RBFOX1: variants seen among roughly 807,000 people sequenced by gnomAD.
RBFOX1 encodes RNA binding fox-1 homolog 1, also known as RNA binding protein fox-1 homolog 1.
In RBFOX1, 8 loss-of-function variants were observed where a neutral mutation model predicts 57.7. The observed-to-expected ratio is 0.14, with a 90% CI of 0.08 to 0.25. The LOEUF (loss-of-function observed/expected upper bound fraction) is 0.25, where lower values mean the gene tolerates loss of function less well. Among genes scored for constraint, RBFOX1 ranks in the 10% least tolerant of loss-of-function variants. The probability of loss-of-function intolerance (pLI) is 1.00; values close to 1 mark genes in which losing one functional copy is unlikely to be tolerated. For synonymous variants in RBFOX1, 326 were observed against 222.4 expected (o/e 1.47, Z -4.15); for missense variants, 611 against 548.5 (o/e 1.11, Z -1.14).
chr16:5,530,477 C>G (rs558393476), intron 2 of RBFOX1, among the ~76,000 whole-genome samples: 19 of 152,322 alleles, frequency 1.2e-4, no homozygotes, highest in African/African-American at 4.3e-4. Flanking sequence ...TGCATTTCAC[C>G]TCTACCCTAT....
At chr16:6,805,870 T>C (rs1255305476) in intron 3 of RBFOX1, among the ~76,000 whole-genome samples, 1 of 152,206 alleles carries the variant, frequency 6.6e-6, no homozygotes, top group Non-Finnish European at 1.5e-5. Flanking sequence ...CTTGGCTCTT[T>C]CCAACACGAA....
At chr16:6,926,804 G>A (rs371288363) in intron 3 of RBFOX1, among the ~76,000 whole-genome samples, 2 of 152,094 alleles carry the variant, frequency 1.3e-5, no homozygotes, top group African/African-American at 2.4e-5. Context: ...TAAAATTATC[G>A]TTTTGATCTT....
chr16:6,511,706 T>C lies in RBFOX1; in HGVS notation c.-63-142897T>C, dbSNP rs141379724. ...TTATTAAAGGCTGTGGTGATAGTAA[T>C]TTGCTGATGGAATGCATTAGTGACA... is the stretch of plus-strand genomic sequence containing the variant. On this transcript the variant is annotated intron_variant, in intron 2 of 15. Transcript: ENST00000550418. 4.8e-3 allele frequency among the ~76,000 whole-genome samples: 725 copies of C among 152,252 alleles called. 20 individuals are homozygous for C. In the East Asian group the frequency reaches 0.093, roughly 20 times the overall value.
At chr16:6,446,911 C>T (rs1362113952) in intron 2 of RBFOX1, among the ~76,000 whole-genome samples, 1 of 152,102 alleles carries the variant, frequency 6.6e-6, no homozygotes, top group Non-Finnish European at 1.5e-5. Flanking sequence ...CATTGCCAAA[C>T]TGGTAGGTGA....
chr16:5,972,190 TACAC>T (rs1218736961), intron 4 of RBFOX1, among the ~76,000 whole-genome samples: 1 of 152,092 alleles, frequency 6.6e-6, no homozygotes, highest in Admixed American at 6.5e-5. Flanking sequence ...GATAAGTAAA[TACAC>T]ACACATAAGC....
chr16:5,441,712 C>T (rs1261805025), intron 1 of RBFOX1, among the ~76,000 whole-genome samples: 1 of 152,104 alleles, frequency 6.6e-6, no homozygotes, highest in African/African-American at 2.4e-5. Context: ...GGGGAGGCCT[C>T]AGGAAACTTA....
chr16:7,054,152 C>T (rs562637059), intron 4 of RBFOX1, among the ~76,000 whole-genome samples: 2 of 127,084 alleles, frequency 1.6e-5, no homozygotes, highest in South Asian at 2.5e-4. Flanking sequence ...ACACCTGTGT[C>T]TGTAAGAGCC....
chr16:6,807,885 A>C (rs1002998714), intron 3 of RBFOX1, among the ~76,000 whole-genome samples: 14 of 125,856 alleles, frequency 1.1e-4, no homozygotes, highest in Non-Finnish European at 1.9e-4. Flanking sequence ...AGTTCTGTTG[A>C]ATATATATTA....
At chr16:6,937,391 T>C (rs1040940397) in intron 3 of RBFOX1, among the ~76,000 whole-genome samples, 2 of 152,022 alleles carry the variant, frequency 1.3e-5, no homozygotes, top group African/African-American at 2.4e-5. Flanking sequence ...GAAAGTCTTA[T>C]TAATGTAGAC....
At chr16:6,049,673 A>G (rs893053865) in intron 1 of RBFOX1, among the ~76,000 whole-genome samples, 1 of 152,110 alleles carries the variant, frequency 6.6e-6, no homozygotes, top group Non-Finnish European at 1.5e-5. Context: ...CAAAAATGTC[A>G]TTGTTTTCTT....
intron 1 of RBFOX1, among the ~76,000 whole-genome samples, chr16:5,339,968 A>C (rs967409993): frequency 1.1e-4 from 16 of 152,180 alleles, no homozygotes; most frequent in African/African-American, 3.9e-4. Flanking sequence ...CCACCTTGAC[A>C]TTCCAAGATG....
chr16:5,827,330 G>A (rs1263568876), intron 3 of RBFOX1, among the ~76,000 whole-genome samples: 3 of 151,164 alleles, frequency 2.0e-5, no homozygotes, highest in African/African-American at 4.9e-5. Context: ...AGCCCAGGGG[G>A]CGGATGTTGC....
intron 1 of RBFOX1, among the ~76,000 whole-genome samples, chr16:5,272,145 G>A (rs998483338): frequency 2.0e-5 from 3 of 152,098 alleles, no homozygotes; most frequent in African/African-American, 7.2e-5. Flanking sequence ...TATATGCTTT[G>A]AAATCTGTAG....
At chr16:5,724,510 C>T (rs1335674971) in intron 3 of RBFOX1, among the ~76,000 whole-genome samples, 1 of 152,096 alleles carries the variant, frequency 6.6e-6, no homozygotes, top group Non-Finnish European at 1.5e-5. Flanking sequence ...AACCCAGGAC[C>T]CATTACCTAC....
chr16:7,621,910 G>A (rs2059374265), intron 10 of RBFOX1, among the ~76,000 whole-genome samples: 1 of 152,186 alleles, frequency 6.6e-6, no homozygotes, highest in Admixed American at 6.5e-5. Context: ...CAGAAAAGCA[G>A]CCATACACAA....
At chr16:7,372,142 G>T (rs187652104) in intron 4 of RBFOX1, among the ~76,000 whole-genome samples, 314 of 152,240 alleles carry the variant, frequency 2.1e-3, no homozygotes, top group Admixed American at 3.1e-3. Context: ...ATTTAAAGAT[G>T]TGATTCAAAA....
At chr16:7,350,909 G>C (rs17842416) in intron 4 of RBFOX1, among the ~76,000 whole-genome samples, 2 of 152,140 alleles carry the variant, frequency 1.3e-5, no homozygotes, top group Non-Finnish European at 2.9e-5. Context: ...AATGACCCAA[G>C]AATGCATCCA....
At chr16:7,637,478 G>A (rs1253964281) in intron 11 of RBFOX1, among the ~76,000 whole-genome samples, 1 of 152,190 alleles carries the variant, frequency 6.6e-6, no homozygotes, top group Non-Finnish European at 1.5e-5. Context: ...TTAAGTGGCA[G>A]AAACATACAT....
chr16:6,456,305 C>A (rs2094771237), intron 2 of RBFOX1, among the ~76,000 whole-genome samples: 1 of 152,060 alleles, frequency 6.6e-6, no homozygotes, highest in Admixed American at 6.6e-5. Context: ...TGCATCTATT[C>A]AAGCTTTGTT....
Sources: gnomAD v4.1 joint callset for allele counts (sites outside exome capture counted in the v4.1 genomes callset) on GRCh38, gnomAD v4.1.1 for gene constraint, MANE v1.5 for transcripts, NCBI Gene and HGNC (gene_info 2026-07-23, HGNC 2026-07-21) for gene names.